LOXL2: variants seen among roughly 807,000 people sequenced by gnomAD.
LOXL2 encodes lysyl oxidase homolog 2.
In LOXL2, 70 loss-of-function variants were observed where a neutral mutation model predicts 93.0. The ratio of observed to expected loss-of-function variants is 0.75; its 90% CI spans 0.62 to 0.92. The LOEUF is 0.92. Ranked by LOEUF, LOXL2 falls within the 40% of genes least tolerant of loss-of-function variation. The pLI is 0.00. For missense variants in LOXL2, 973 were observed against 1,054.9 expected, an observed-to-expected ratio of 0.92 and a Z score of 1.08; for synonymous variants, 438 against 413.2, an observed-to-expected ratio of 1.06 and a Z score of -0.73.
chr8:23,367,971 T>A, intron 2 of LOXL2, 26 bp downstream of exon 2: 1 of 1,583,920 alleles, frequency 6.3e-7, no homozygotes, highest in Non-Finnish European at 8.6e-7. Flanking sequence ...GTGACAGCAC[T>A]CAGATCCAAA....
At chr8:23,398,241 G>A (rs2117242386) in intron 1 of LOXL2, among the ~76,000 whole-genome samples, 1 of 152,266 alleles carries the variant, frequency 6.6e-6, no homozygotes, top group South Asian at 2.1e-4. Flanking sequence ...TGTCGTAAGT[G>A]TATGTTTTAT....
chr8:23,330,165 A>C (rs1194572211), intron 5 of LOXL2, among the ~76,000 whole-genome samples: 2 of 151,858 alleles, frequency 1.3e-5, no homozygotes, highest in African/African-American at 4.8e-5. Context: ...CTCTACTAAA[A>C]AACAAAAAAA....
At chr8:23,353,945 G>A (rs1228136755) in intron 3 of LOXL2, among the ~76,000 whole-genome samples, 4 of 152,168 alleles carry the variant, frequency 2.6e-5, no homozygotes, top group Admixed American at 2.6e-4. Context: ...TCACTTATAT[G>A]AAGAAGGTGT....
intron 3 of LOXL2, among the ~76,000 whole-genome samples, chr8:23,357,491 A>T (rs900206955): frequency 6.6e-6 from 1 of 152,188 alleles, no homozygotes; most frequent in Non-Finnish European, 1.5e-5. Flanking sequence ...TTCCACAAAC[A>T]GTGTGTGTTA....
At chr8:23,343,980 T>C (rs550788928) in intron 3 of LOXL2, among the ~76,000 whole-genome samples, 1 of 152,358 alleles carries the variant, frequency 6.6e-6, no homozygotes, top group South Asian at 2.1e-4. Context: ...CGGCCCGGGC[T>C]GACCTTCAGT....
intron 1 of LOXL2, among the ~76,000 whole-genome samples, chr8:23,373,818 C>T (rs1020925533): frequency 2.5e-4 from 38 of 152,030 alleles, no homozygotes; most frequent in South Asian, 4.2e-4. Context: ...CACCGCGAAG[C>T]TCTACTACCC....
intron 1 of LOXL2, among the ~76,000 whole-genome samples, chr8:23,385,171 T>C (rs1467969699): frequency 6.6e-6 from 1 of 152,016 alleles, no homozygotes; most frequent in Admixed American, 6.6e-5. Context: ...TCTACTTTTA[T>C]ACAGCAACCT....
At chr8:23,403,513 C>G (rs1382945246) in intron 1 of LOXL2, among the ~76,000 whole-genome samples, 1 of 152,192 alleles carries the variant, frequency 6.6e-6, no homozygotes, top group East Asian at 1.9e-4. Context: ...CCCAAAACCA[C>G]AGCCCCGAGG....
chr8:23,398,291 C>T (rs1800119335), intron 1 of LOXL2, among the ~76,000 whole-genome samples: 1 of 152,172 alleles, frequency 6.6e-6, no homozygotes, highest in South Asian at 2.1e-4. Flanking sequence ...ACCCTCAGCA[C>T]TTTGTTGGCA....
intron 1 of LOXL2, among the ~76,000 whole-genome samples, chr8:23,398,427 A>G (rs1028374118): frequency 1.3e-5 from 2 of 152,214 alleles, no homozygotes; most frequent in Non-Finnish European, 2.9e-5. Flanking sequence ...TTAGAAGACT[A>G]TAATTAAATA....
chr8:23,385,485 C>G (rs1804746618), intron 1 of LOXL2, among the ~76,000 whole-genome samples: 1 of 150,894 alleles, frequency 6.6e-6, no homozygotes, highest in African/African-American at 2.4e-5. Flanking sequence ...GTCTTGAACT[C>G]CTGACCTTAA....
chr8:23,363,560 A>C (rs1299388046), intron 2 of LOXL2: 1 of 152,210 alleles, frequency 6.6e-6, no homozygotes, highest in Admixed American at 6.5e-5. Context: ...CAAAGCTGCC[A>C]AAGTGACAGA....
chr8:23,402,518 A>C (rs935139574), intron 1 of LOXL2: 2 of 152,358 alleles, frequency 1.3e-5, no homozygotes, highest in African/African-American at 4.8e-5. Context: ...GGATCCAGTG[A>C]GTCAGTCACT....
intron 10 of LOXL2, among the ~76,000 whole-genome samples, chr8:23,304,901 C>A (rs1021764905): frequency 6.6e-6 from 1 of 152,154 alleles, no homozygotes; most frequent in African/African-American, 2.4e-5. Flanking sequence ...GGATAGGTTT[C>A]CTGCGAGGAA....
chr8:23,393,727 C>A (rs768252439), intron 1 of LOXL2, among the ~76,000 whole-genome samples: 5 of 150,716 alleles, frequency 3.3e-5, no homozygotes, highest in Non-Finnish European at 7.4e-5. Context: ...TTCTGCACAT[C>A]AAAAAAAAAT....
intron 1 of LOXL2, among the ~76,000 whole-genome samples, chr8:23,371,549 A>G (rs11780688): frequency 0.71 from 107,627 of 151,450 alleles, 38,580 homozygotes; most frequent in African/African-American, 0.78. Flanking sequence ...TCAGGAGATC[A>G]AGCCCATCCC....
chr8:23,346,514 T>G (rs180720715), intron 3 of LOXL2, among the ~76,000 whole-genome samples: 1 of 152,370 alleles, frequency 6.6e-6, no homozygotes, highest in Admixed American at 6.5e-5. Context: ...AAGGGAGCTC[T>G]GAGCTCTGAC....
At chr8:23,308,602 C>T (rs555511233) in intron 10 of LOXL2, among the ~76,000 whole-genome samples, 2 of 152,328 alleles carry the variant, frequency 1.3e-5, no homozygotes, top group Non-Finnish European at 1.5e-5. Flanking sequence ...AATCCCTGGA[C>T]ATACAGAGAC....
rs146850871 is a variant in LOXL2, at chr8:23,330,206, T to C, written c.967-1641A>G. Among the ~76,000 whole-genome samples, 1,341 of 151,980 alleles carry C rather than the reference T, an allele frequency of 8.8e-3. 84 individuals are homozygous for C. The East Asian group carries it at 0.17, about 19-fold the overall frequency. ...AAAATTAGCCAGGTGCGGTGGCGGG[T>C]GCCTGTAGTCCCAGCTACTCGGGAG... On this transcript the variant is annotated intron_variant, in intron 5 of 13. Coordinates refer to ENST00000389131, the MANE Select transcript of LOXL2 (RefSeq NM_002318.3).
Sources: gnomAD v4.1 joint callset for allele counts (sites outside exome capture counted in the v4.1 genomes callset) on GRCh38, gnomAD v4.1.1 for gene constraint, MANE v1.5 for transcripts, NCBI Gene and HGNC (gene_info 2026-07-23, HGNC 2026-07-21) for gene names.